BAZ2B: variants seen among roughly 807,000 people sequenced by gnomAD.
BAZ2B encodes bromodomain adjacent to zinc finger domain protein 2B.
BAZ2B carries 91 observed loss-of-function variants against 246.0 expected under a neutral mutation model. The observed-to-expected ratio is 0.37, with a 90% confidence interval of 0.31 to 0.44. The LOEUF is 0.44. BAZ2B is among the 20% of genes least tolerant of loss of function. BAZ2B has a pLI of 1.00. For missense variants in BAZ2B, 2,332 were observed against 2,533.7 expected, an observed-to-expected ratio of 0.92 and a Z score of 1.71; for synonymous variants, 855 against 860.0, an observed-to-expected ratio of 0.99 and a Z score of 0.10.
intron 2 of BAZ2B, among the ~76,000 whole-genome samples, chr2:159,547,314 A>G (rs1471657354): frequency 6.6e-6 from 1 of 152,184 alleles, no homozygotes; most frequent in Admixed American, 6.5e-5. Flanking sequence ...GAATATTTGT[A>G]TTAGTTAAAC....
chr2:159,442,238 G>A (rs902844394), intron 6 of BAZ2B, among the ~76,000 whole-genome samples: 1 of 152,164 alleles, frequency 6.6e-6, no homozygotes, highest in African/African-American at 2.4e-5. Context: ...AAGGACATAA[G>A]AGAAGAGCCT....
downstream of BAZ2B, among the ~76,000 whole-genome samples, chr2:159,317,226 T>C (rs2062218179): frequency 6.6e-6 from 1 of 152,140 alleles, no homozygotes; most frequent in South Asian, 2.1e-4. Flanking sequence ...GGGAGAAAGC[T>C]AAAGGGACAG....
At chr2:159,381,892 T>C (rs775038072) in intron 25 of BAZ2B, among the ~76,000 whole-genome samples, 13 of 152,206 alleles carry the variant, frequency 8.5e-5, no homozygotes, top group Non-Finnish European at 1.6e-4. Flanking sequence ...CACTCTTCCC[T>C]AGACCTTTAC....
At chr2:159,443,948 A>G (rs545510889) in intron 6 of BAZ2B, among the ~76,000 whole-genome samples, 2 of 152,334 alleles carry the variant, frequency 1.3e-5, no homozygotes, top group African/African-American at 4.8e-5. Context: ...CAAAGATTTT[A>G]CTTGATTTTA....
At chr2:159,428,267 C>T in intron 12 of BAZ2B, 44 bp downstream of exon 12, 2 of 1,516,766 alleles carry the variant, frequency 1.3e-6, no homozygotes, top group Non-Finnish European at 1.8e-6. Context: ...CATGATCATG[C>T]TTAATAGGCA....
intron 2 of BAZ2B, among the ~76,000 whole-genome samples, chr2:159,523,919 T>C (rs1457222957): frequency 6.6e-6 from 1 of 152,204 alleles, no homozygotes; most frequent in African/African-American, 2.4e-5. Flanking sequence ...GTCCACGGCC[T>C]ATCTTTTGCT....
chr2:159,353,515 A>G (rs1217564307), intron 27 of BAZ2B, among the ~76,000 whole-genome samples: 3 of 152,244 alleles, frequency 2.0e-5, no homozygotes, highest in African/African-American at 4.8e-5. Context: ...CAGGGAGACA[A>G]AAGTGGCTAG....
At chr2:159,599,331 A>G (rs1190392785) in intron 1 of BAZ2B, among the ~76,000 whole-genome samples, 1 of 151,800 alleles carries the variant, frequency 6.6e-6, no homozygotes, top group Admixed American at 6.6e-5. Context: ...AAGAAATCTG[A>G]GGGACTGCCG....
At position 159,404,839 on chromosome 2, in the gene BAZ2B, AT is replaced by A; in HGVS notation, c.2832+9del. ...ATATTTTAAAAGTCACTTCCAATGT[AT>A]ACACATACCTGCTGTTTCATAATCT... On this transcript the variant is annotated intron_variant, in intron 16 of 36. Transcript: ENST00000392783. 1 of 1,609,384 alleles carries A rather than the reference AT, an allele frequency of 6.2e-7. No individual in the cohort carries two copies.
At chr2:159,345,251 G>C (rs2067582025) in intron 31 of BAZ2B, among the ~76,000 whole-genome samples, 1 of 151,712 alleles carries the variant, frequency 6.6e-6, no homozygotes, top group Non-Finnish European at 1.5e-5. Flanking sequence ...GTAGGTAGGA[G>C]AAATAAGTTC....
the BAZ2B span, among the ~76,000 whole-genome samples, chr2:159,691,217 C>T: frequency 6.6e-6 from 1 of 152,050 alleles, no homozygotes; most frequent in Non-Finnish European, 1.5e-5. Context: ...AATGGATTGC[C>T]TAATATTGAA....
chr2:159,551,160 A>G (rs2088137119), intron 2 of BAZ2B, among the ~76,000 whole-genome samples: 1 of 152,174 alleles, frequency 6.6e-6, no homozygotes, highest in South Asian at 2.1e-4. Flanking sequence ...ATAAAAACAG[A>G]AAAAGCCACT....
intron 33 of BAZ2B, among the ~76,000 whole-genome samples, chr2:159,333,930 A>G (rs1023910719): frequency 6.6e-6 from 1 of 152,120 alleles, no homozygotes; most frequent in Admixed American, 6.6e-5. Context: ...CATTCCAATA[A>G]TCAGTATCTA....
intron 6 of BAZ2B, among the ~76,000 whole-genome samples, chr2:159,442,034 C>T (rs2073502275): frequency 6.6e-6 from 1 of 152,110 alleles, no homozygotes; most frequent in Admixed American, 6.5e-5. Context: ...ACCAGCTCTG[C>T]CTAGTGAGAA....
intron 31 of BAZ2B, among the ~76,000 whole-genome samples, chr2:159,345,211 CAA>C (rs57569261): frequency 2.4e-4 from 33 of 138,680 alleles, no homozygotes; most frequent in Admixed American, 2.8e-4. Flanking sequence ...AACTTGGTCT[CAA>C]AAAAAAAAAA....
intron 6 of BAZ2B, among the ~76,000 whole-genome samples, chr2:159,445,901 C>A (rs1176301441): frequency 6.6e-6 from 1 of 152,126 alleles, no homozygotes; most frequent in African/African-American, 2.4e-5. Context: ...ATCCCTTGAG[C>A]TCAGGTGTTC....
chr2:159,349,477 G>A (rs1031918583), intron 28 of BAZ2B, among the ~76,000 whole-genome samples, 197 bp from the exon 29 acceptor site: 13 of 152,034 alleles, frequency 8.6e-5, no homozygotes, highest in African/African-American at 1.5e-4. Flanking sequence ...TTTTCCTTTC[G>A]GATATACCGT....
At position 159,439,298 on chromosome 2, in the gene BAZ2B, AATG is replaced by A. The variant is rs2072956947; in HGVS notation, c.697-89_697-87del. On this transcript the variant is annotated intron_variant, in intron 6 of 36. Transcript: ENST00000392783. Reference sequence around the variant, plus strand: ...AAAGGTGTACTCTTTTTAATTTTCAAATGATATTTTCAATCTCAAAATGTCATT... The same window carrying A: ...AAAGGTGTACTCTTTTTAATTTTCAAATATTTTCAATCTCAAAATGTCATT... 3.4e-6 allele frequency: 4 copies of A among 1,169,254 alleles called. No homozygotes were observed. The African/African-American group carries it at 6.2e-5, about 18-fold the overall frequency. 72.4% of individuals were successfully genotyped at this position (1,169,254 alleles called of 1,614,324 possible).
chr2:159,564,552 T>C (rs184397951), intron 1 of BAZ2B, among the ~76,000 whole-genome samples: 1 of 152,194 alleles, frequency 6.6e-6, no homozygotes, highest in East Asian at 1.9e-4. Context: ...ATATTGGTGG[T>C]GAAAAAAGTG....
Sources: allele counts gnomAD v4.1 joint callset (sites outside exome capture counted in the v4.1 genomes callset), GRCh38; gene constraint gnomAD v4.1.1; transcripts MANE v1.5; gene names NCBI Gene and HGNC (gene_info 2026-07-23, HGNC 2026-07-21).